EIF4B: variants seen among roughly 807,000 people sequenced by gnomAD.
EIF4B encodes eukaryotic translation initiation factor 4B.
Under a neutral mutation model 79.3 loss-of-function variants are expected in EIF4B, and 8 were observed. The observed-to-expected ratio is 0.10, with a 90% confidence interval of 0.06 to 0.18. The LOEUF (loss-of-function observed/expected upper bound fraction) is 0.18. EIF4B is among the 10% of genes least tolerant of loss of function. The probability of loss-of-function intolerance (pLI) is 1.00; values close to 1 mark genes in which losing one functional copy is unlikely to be tolerated. For synonymous variants in EIF4B, 238 were observed against 274.7 expected, an observed-to-expected ratio of 0.87 and a Z score of 1.32; for missense variants, 515 against 792.4, an observed-to-expected ratio of 0.65 and a Z score of 4.20.
At chr12:53,021,909 A>G in intron 5 of EIF4B, 49 bp downstream of exon 5, 1 of 1,607,196 alleles carries the variant, frequency 6.2e-7, no homozygotes, top group Admixed American at 1.7e-5. Flanking sequence ...CCAGGATGAC[A>G]CCAAGCCATC....
chr12:53,035,821 CATTT>C (rs1377444439), intron 10 of EIF4B, among the ~76,000 whole-genome samples: 3 of 151,420 alleles, frequency 2.0e-5, no homozygotes, highest in African/African-American at 7.3e-5. Flanking sequence ...GCATTTCATT[CATTT>C]ATTTATTTAT....
intron 4 of EIF4B, 62 bp downstream of exon 4, chr12:53,020,088 C>T: frequency 7.2e-7 from 1 of 1,392,766 alleles, no homozygotes; most frequent in Non-Finnish European, 9.8e-7. Flanking sequence ...GTTTATTGAT[C>T]AAACTGGTAT....
intron 13 of EIF4B, 60 bp from the exon 14 acceptor site, chr12:53,039,570 C>T: frequency 6.3e-7 from 1 of 1,589,372 alleles, no homozygotes; most frequent in South Asian, 1.1e-5. Flanking sequence ...CATGCATACA[C>T]ATGTTTGTAT....
intron 2 of EIF4B, among the ~76,000 whole-genome samples, chr12:53,017,413 A>G (rs572381765): frequency 3.0e-4 from 46 of 152,286 alleles, no homozygotes; most frequent in Non-Finnish European, 2.2e-4. Flanking sequence ...TTATGGTGGG[A>G]AAATAAAGAA....
At chr12:53,039,914 T>C in intron 14 of EIF4B, 1 of 734,574 alleles carries the variant, frequency 1.4e-6, no homozygotes, top group East Asian at 2.7e-5. Flanking sequence ...TGTCTTCCTT[T>C]GTTCTCATCC....
At chr12:53,023,272 G>C (rs1027627132) in intron 6 of EIF4B, among the ~76,000 whole-genome samples, 1 of 152,048 alleles carries the variant, frequency 6.6e-6, no homozygotes, top group East Asian at 1.9e-4. Context: ...TCGCTGTGTC[G>C]CCCAGGCTGG....
intron 1 of EIF4B, among the ~76,000 whole-genome samples, chr12:53,009,192 G>A (rs1943021033): frequency 6.6e-6 from 1 of 152,050 alleles, no homozygotes; most frequent in African/African-American, 2.4e-5. Context: ...TTACCTAGAG[G>A]GAATCAAATG....
At chr12:53,040,046 G>C in intron 14 of EIF4B, 97 bp from the exon 15 acceptor site, 1 of 1,382,586 alleles carries the variant, frequency 7.2e-7, no homozygotes, top group Non-Finnish European at 1.0e-6. Flanking sequence ...TCATCTGACT[G>C]TCATCCCCCA....
At chr12:53,030,798 A>C (rs1230774710) in intron 8 of EIF4B, among the ~76,000 whole-genome samples, 2 of 152,174 alleles carry the variant, frequency 1.3e-5, no homozygotes, top group East Asian at 3.8e-4. Context: ...CTGTTCCATC[A>C]GTGAGCTGAG....
chr12:53,027,589 G>C (rs1943358517), intron 6 of EIF4B, among the ~76,000 whole-genome samples, 193 bp from the exon 7 acceptor site: 1 of 152,094 alleles, frequency 6.6e-6, no homozygotes, highest in South Asian at 2.1e-4. Flanking sequence ...AATATTTAGG[G>C]ATTTTTTAAT....
rs1391082449 is a variant in EIF4B, at chr12:53,018,890, G to A, written c.244G>A (p.Glu82Lys). The change falls in exon 3 of 15, where the codon GAA becomes AAA. Residue 82 changes from glutamate to lysine, a missense_variant. Glu to Lys is a moderately conservative substitution (Grantham distance 56, BLOSUM62 1). Transcript: ENST00000262056. ...TCCCACTGCTCCACGGGCTGCTCGG[G>A]AACCCAATATCGACCGGAGCCGTCT... ...ILPTAPRAAR[E>K]PNIDRSRLPK... The A allele has an allele frequency of 6.2e-7, 1 of 1,613,864 alleles. No individual in the cohort carries two copies. Among genetic ancestry groups the A allele is most frequent in the Admixed American group, 1.7e-5 (1 of 60,000 alleles).
intron 14 of EIF4B, 110 bp from the exon 15 acceptor site, chr12:53,040,033 G>C: frequency 8.1e-7 from 1 of 1,229,278 alleles, no homozygotes; most frequent in South Asian, 1.3e-5. Flanking sequence ...AAGCAAGTGG[G>C]TGTCATCTGA....
At chr12:53,007,084 G>T (rs777355704) in intron 1 of EIF4B, among the ~76,000 whole-genome samples, 1 of 152,190 alleles carries the variant, frequency 6.6e-6, no homozygotes, top group Non-Finnish European at 1.5e-5. Flanking sequence ...GAACCCAGAT[G>T]GGAAGCTTTT....
At chr12:53,034,995 ATG>A (rs1943515061) in intron 10 of EIF4B, among the ~76,000 whole-genome samples, 1 of 40,530 alleles carries the variant, frequency 2.5e-5, no homozygotes, top group Non-Finnish European at 4.7e-5. Context: ...TTTTCATTTT[ATG>A]TCTTGACATC....
Position 53,042,181 on chromosome 12 carries a change from C to T in EIF4B, c.*1958C>T, listed in dbSNP as rs1302256096. On this transcript the variant is annotated 3_prime_UTR_variant, in exon 15 of 15. Coordinates refer to ENST00000262056, the MANE Select transcript of EIF4B (RefSeq NM_001417.7). ...CTTTGGGTTGTGGGTTTTTTGTTTT[C>T]TCCAAATAAATCTGATCTTTAAAGT... 1 of 152,460 alleles carries T rather than the reference C, an allele frequency of 6.6e-6. No individual in the cohort carries two copies. Among genetic ancestry groups the T allele is most frequent in the Non-Finnish European group, 1.5e-5 (1 of 68,014 alleles). 9.4% of individuals were successfully genotyped at this position (152,460 alleles called of 1,614,324 possible). A position where few individuals can be genotyped will look rare whatever the true frequency, so the allele number is the denominator to read the frequency against.
At chr12:53,029,802 T>C (rs1943403594) in intron 8 of EIF4B, among the ~76,000 whole-genome samples, 1 of 152,190 alleles carries the variant, frequency 6.6e-6, no homozygotes. Flanking sequence ...CACAGTGAGA[T>C]GACAGAATTC....
chr12:53,009,991 T>C (rs1230527254), intron 1 of EIF4B, among the ~76,000 whole-genome samples: 1 of 152,218 alleles, frequency 6.6e-6, no homozygotes, highest in Non-Finnish European at 1.5e-5. Flanking sequence ...CTTATGTACA[T>C]TTATGAGCCA....
At chr12:53,006,929 G>C (rs78152619) in intron 1 of EIF4B, among the ~76,000 whole-genome samples, 7 of 151,148 alleles carry the variant, frequency 4.6e-5, no homozygotes, top group East Asian at 3.9e-4. Context: ...GGACCGGAGT[G>C]GGGGGTAGGG....
intron 12 of EIF4B, chr12:53,038,628 A>G (rs747221223): frequency 8.0e-6 from 2 of 250,128 alleles, no homozygotes; most frequent in East Asian, 7.5e-5. Context: ...CCTTACCAAC[A>G]TGGTGAAACC....
Sources: gnomAD v4.1 joint callset for allele counts (sites outside exome capture counted in the v4.1 genomes callset) on GRCh38, gnomAD v4.1.1 for gene constraint, MANE v1.5 for transcripts, NCBI Gene and HGNC (gene_info 2026-07-23, HGNC 2026-07-21) for gene names.